The following RSRP1 variants were observed in gnomAD, a reference collection of about 807,000 sequenced individuals.
RSRP1 encodes the protein arginine/serine-rich protein 1.
RSRP1 carries 37 observed loss-of-function variants against 33.0 expected under a neutral mutation model. That is an observed-to-expected ratio of 1.12 (90% CI 0.86 to 1.48). RSRP1 has a LOEUF of 1.48. Among genes scored for constraint, RSRP1 ranks in the 40% most tolerant of loss-of-function variants. The pLI, the probability that RSRP1 is intolerant of heterozygous loss-of-function variation, is 0.00. For synonymous variants in RSRP1, 167 were observed against 158.7 expected, an observed-to-expected ratio of 1.05 and a Z score of -0.40; for missense variants, 402 against 385.3, an observed-to-expected ratio of 1.04 and a Z score of -0.36.
At chr1:25,284,348 C>G (rs549304889) in intron 1 of RSRP1, among the ~76,000 whole-genome samples, 1 of 135,926 alleles carries the variant, frequency 7.4e-6, no homozygotes, top group Admixed American at 7.1e-5. Context: ...GCTTAATTAG[C>G]TTTAGCTCCT....
Position 25,292,468 on chromosome 1 carries a change from G to C in RSRP1, c.-66-45439C>G, listed in dbSNP as rs1330891920. On this transcript the variant is annotated intron_variant, in intron 1 of 1. Coordinates refer to the RSRP1 transcript ENST00000561867. ...CTGTATTTTAATAGCAGAATTGACA[G>C]GATTTGCTGATAGACTGCACGTGGG... Among the ~76,000 whole-genome samples the C allele has an allele frequency of 2.3e-5, 3 of 132,170 alleles. 1 individual carries two copies. The highest frequency in any genetic ancestry group is 2.2e-4 in the Admixed American group (3 of 13,576). The allele number at this position is 132,170 out of a possible 152,430, so 86.7% of individuals were successfully genotyped here.
At position 25,291,426 on chromosome 1, in the gene RSRP1, G is replaced by A. The variant is rs561334558; in HGVS notation, c.-66-44397C>T. Among the ~76,000 whole-genome samples, 3 of 131,802 alleles carry A rather than the reference G, an allele frequency of 2.3e-5. 1 individual carries two copies. The highest frequency in any genetic ancestry group is 1.9e-4 in the East Asian group (1 of 5,130). 86.5% of individuals were successfully genotyped at this position (131,802 alleles called of 152,430 possible). On this transcript the variant is annotated intron_variant, in intron 1 of 1. Transcript: ENST00000561867. ...GGAGGTTGCAGTGAACCGAGATCGC[G>A]CCATTGCACTGCAGCCTGGGGGACA...
intron 4 of RSRP1, 107 bp from the exon 5 acceptor site, chr1:25,242,812 A>G (rs1638962871): frequency 1.2e-6 from 1 of 801,046 alleles, no homozygotes; most frequent in African/African-American, 1.7e-5. Flanking sequence ...AGATATTATC[A>G]ATTGCTGGGC....
Position 25,274,804 on chromosome 1 carries a change from C to T in RSRP1, c.-66-27775G>A, listed in dbSNP as rs184965566. Among the ~76,000 whole-genome samples the T allele has an allele frequency of 3.0e-5, 4 of 133,584 alleles. 2 individuals are homozygous for T. The highest frequency in any genetic ancestry group is 7.1e-5 in the Non-Finnish European group (4 of 56,098). The allele number at this position is 133,584 out of a possible 152,430, so 87.6% of individuals were successfully genotyped here. ...GGAGAATCACCTGAGGTTAGGAGTT[C>T]GAGACCAGCCTGGCCAACATGGCAA... On this transcript the variant is annotated intron_variant, in intron 1 of 1. Coordinates refer to the RSRP1 transcript ENST00000561867.
chr1:25,252,098 C>T (rs565748010), upstream of RSRP1, among the ~76,000 whole-genome samples: 3 of 152,130 alleles, frequency 2.0e-5, no homozygotes, highest in Admixed American at 6.5e-5. Context: ...GAGTCTCACT[C>T]TCTCACTCAG....
upstream of RSRP1, among the ~76,000 whole-genome samples, chr1:25,251,996 T>A (rs1639799680): frequency 6.6e-6 from 1 of 151,754 alleles, no homozygotes; most frequent in African/African-American, 2.4e-5. Flanking sequence ...GTTCAAGTGA[T>A]TCCCATGCCC....
rs1239950090 is a variant in RSRP1, at chr1:25,305,481, C to T, written c.-67+32497G>A. 1.3e-4 allele frequency among the ~76,000 whole-genome samples: 2 copies of T among 15,732 alleles called. 1 individual carries two copies. 10.3% of individuals were successfully genotyped at this position (15,732 alleles called of 152,430 possible). A position where few individuals can be genotyped will look rare whatever the true frequency, so the allele number is the denominator to read the frequency against. Reference sequence around the variant, plus strand: ...GTGCAATCTCAGCTCACTGCAACCTCCACCTCCTGGGTTCAAGTGATTCTC... The same window carrying T: ...GTGCAATCTCAGCTCACTGCAACCTTCACCTCCTGGGTTCAAGTGATTCTC... On this transcript the variant is annotated intron_variant, in intron 1 of 1. Coordinates refer to the RSRP1 transcript ENST00000561867.
At position 25,305,955 on chromosome 1, in the gene RSRP1, T is replaced by C. The variant is rs1277418659; in HGVS notation, c.-67+32023A>G. Among the ~76,000 whole-genome samples, 2 of 131,778 alleles carry C rather than the reference T, an allele frequency of 1.5e-5. 1 individual carries two copies. Among genetic ancestry groups the C allele is most frequent in the Non-Finnish European group, 3.6e-5 (2 of 55,850 alleles). 86.5% of individuals were successfully genotyped at this position (131,778 alleles called of 152,430 possible). ...ATTCTAAGGAAGGAACCAGCCTGAT[T>C]GAATTTGCATATGTGTCCACATCTG... is the stretch of plus-strand genomic sequence containing the variant. On this transcript the variant is annotated intron_variant, in intron 1 of 1. Transcript: ENST00000561867.
chr1:25,331,604 G>A (rs1349903217), intron 1 of RSRP1, among the ~76,000 whole-genome samples: 1 of 87,160 alleles, frequency 1.1e-5, no homozygotes, highest in South Asian at 3.5e-4. Context: ...GTCTTGCTCT[G>A]TCACCCAGGA....
chr1:25,249,427 G>A (rs560120585), upstream of RSRP1, among the ~76,000 whole-genome samples: 15 of 152,172 alleles, frequency 9.9e-5, no homozygotes, highest in South Asian at 1.0e-3. Flanking sequence ...CAACCTCTGC[G>A]TACTGGGTTC....
At chr1:25,257,845 A>G (rs1172672621) in intron 1 of RSRP1, among the ~76,000 whole-genome samples, 2 of 152,044 alleles carry the variant, frequency 1.3e-5, no homozygotes, top group Non-Finnish European at 2.9e-5. Context: ...TCCTAGGTTC[A>G]AGTGATCTGC....
rs1293619828 is a variant in RSRP1, at chr1:25,306,250, C to A, written c.-67+31728G>T. Among the ~76,000 whole-genome samples the A allele has an allele frequency of 1.5e-5, 2 of 131,718 alleles. 1 individual carries two copies. The highest frequency in any genetic ancestry group is 5.2e-5 in the African/African-American group (2 of 38,216). The allele number at this position is 131,718 out of a possible 152,430, so 86.4% of individuals were successfully genotyped here. On this transcript the variant is annotated intron_variant, in intron 1 of 1. Transcript: ENST00000561867. ...ATGCTGCTTAACATCCTACAGTACA[C>A]AGGGCAGCCCCCACCACAAGGAATT...
chr1:25,316,156 A>G lies in RSRP1; in HGVS notation c.-67+21822T>C, dbSNP rs1453023867. Among the ~76,000 whole-genome samples the G allele has an allele frequency of 2.3e-5, 3 of 130,902 alleles. 1 individual carries two copies. The highest frequency in any genetic ancestry group is 7.9e-5 in the African/African-American group (3 of 37,944). 85.9% of individuals were successfully genotyped at this position (130,902 alleles called of 152,430 possible). A position where few individuals can be genotyped will look rare whatever the true frequency, so the allele number is the denominator to read the frequency against. ...ACATTCAGCATCCAAGGGCCCCCGTAATAGCTTAATGTTTGAATTGAACCC... is the reference window on the plus strand; with the variant it reads ...ACATTCAGCATCCAAGGGCCCCCGTGATAGCTTAATGTTTGAATTGAACCC... On this transcript the variant is annotated intron_variant, in intron 1 of 1. Transcript: ENST00000561867.
Position 25,321,196 on chromosome 1 carries a change from T to C in RSRP1, c.-67+16782A>G, listed in dbSNP as rs1028590472. Among the ~76,000 whole-genome samples, 26 of 129,470 alleles carry C rather than the reference T, an allele frequency of 2.0e-4. 5 individuals carry two copies. 84.9% of individuals were successfully genotyped at this position (129,470 alleles called of 152,430 possible). A position where few individuals can be genotyped will look rare whatever the true frequency, so the allele number is the denominator to read the frequency against. On this transcript the variant is annotated intron_variant, in intron 1 of 1. Transcript: ENST00000561867. ...ACTGGAGCCAGAGAAGACAGACCTATAGGAGCACCCAATTGGAGTCACCCT... is the reference window on the plus strand; with the variant it reads ...ACTGGAGCCAGAGAAGACAGACCTACAGGAGCACCCAATTGGAGTCACCCT...
At chr1:25,304,597 T>C (rs1250255731) in intron 1 of RSRP1, 1 of 116,382 alleles carries the variant, frequency 8.6e-6, no homozygotes, top group Non-Finnish European at 2.0e-5. Context: ...GACTCTGTCT[T>C]AAAAAAAAAA....
chr1:25,242,398 G>A lies in RSRP1; in HGVS notation c.*191C>T, dbSNP rs192192403. 821 of 467,660 alleles carry A rather than the reference G, an allele frequency of 1.8e-3. 5 individuals are homozygous for A. Among genetic ancestry groups the A allele is most frequent in the South Asian group, 9.3e-3 (258 of 27,794 alleles). 29.0% of individuals were successfully genotyped at this position (467,660 alleles called of 1,614,324 possible). On this transcript the variant is annotated 3_prime_UTR_variant, in exon 5 of 5. Coordinates refer to ENST00000243189, the MANE Select transcript of RSRP1 (RefSeq NM_020317.5). ...CCTGTGCATAACCTTTGGTCCATCTGTGCTATCTCTCATATCTGCAAGAGA... is the reference window on the plus strand; with the variant it reads ...CCTGTGCATAACCTTTGGTCCATCTATGCTATCTCTCATATCTGCAAGAGA...
upstream of RSRP1, among the ~76,000 whole-genome samples, chr1:25,249,731 C>T (rs370881694): frequency 5.3e-5 from 8 of 152,182 alleles, no homozygotes; most frequent in African/African-American, 7.2e-5. Flanking sequence ...CAAAAACATA[C>T]GCGGTCTACC....
rs770041890 is a variant in RSRP1, at chr1:25,301,602, C to A, written c.-67+36376G>T. 3 of 1,380,124 alleles carry A rather than the reference C, an allele frequency of 2.2e-6. No homozygotes were observed. Among genetic ancestry groups the A allele is most frequent in the Admixed American group, 1.8e-5 (1 of 56,482 alleles). The allele number at this position is 1,380,124 out of a possible 1,614,324, so 85.5% of individuals were successfully genotyped here. ...CAATCGAAAGGAAGAATGCCGTGTT[C>A]AACACCTACTATGCTGTAGCAGTCA... On this transcript the variant is annotated intron_variant, in intron 1 of 1. Coordinates refer to the RSRP1 transcript ENST00000561867.
intron 1 of RSRP1, among the ~76,000 whole-genome samples, chr1:25,331,625 T>TG (rs1209680997): frequency 9.0e-6 from 1 of 111,144 alleles, no homozygotes; most frequent in Non-Finnish European, 2.1e-5. Flanking sequence ...TGGAGTGCAG[T>TG]GGTGCAATCT....
Sources: gnomAD v4.1 joint callset for allele counts (sites outside exome capture counted in the v4.1 genomes callset) on GRCh38, gnomAD v4.1.1 for gene constraint, MANE v1.5 for transcripts, NCBI Gene and HGNC (gene_info 2026-07-23, HGNC 2026-07-21) for gene names.